Variants in CINP observed in about 807,000 individuals in gnomAD.
CINP encodes the protein cyclin-dependent kinase 2-interacting protein.
In CINP, 11 loss-of-function variants were observed where a neutral mutation model predicts 20.5. The observed-to-expected ratio is 0.54, with a 90% CI of 0.34 to 0.89. CINP has a LOEUF of 0.89. Among genes scored for constraint, CINP ranks in the 40% least tolerant of loss-of-function variants. The pLI is 0.02. For synonymous variants in CINP, 108 were observed against 102.1 expected, an observed-to-expected ratio of 1.06 and a Z score of -0.35; for missense variants, 213 against 251.0, an observed-to-expected ratio of 0.85 and a Z score of 1.02.
intron 3 of CINP, chr14:102,355,533 T>G (rs978791802): frequency 6.1e-5 from 23 of 379,494 alleles, no homozygotes; most frequent in Non-Finnish European, 9.9e-5. Flanking sequence ...AAAAAAAAAA[T>G]TTACTATGTG....
chr14:102,348,583 G>C lies in CINP; in HGVS notation c.613C>G (p.Leu205Val), dbSNP rs1235824017. 1 of 1,612,442 alleles carries C rather than the reference G, an allele frequency of 6.2e-7. No homozygotes were observed. The highest frequency in any genetic ancestry group is 8.5e-7 in the Non-Finnish European group (1 of 1,179,584). ...CAGAGAGCTCGGTGGCCTGTCTCCA[G>C]CAGCATGCTCTCCAGATGCAGCCTG... The part of the protein sequence containing the change: ...DSRLHLESML[L>V]ETGHRAL The change falls in exon 5 of 5, where the codon CTG becomes GTG. Residue 205 changes from leucine to valine, a missense_variant. Physicochemically the swap from Leu to Val is conservative, Grantham distance 32. Coordinates refer to ENST00000216756, the MANE Select transcript of CINP (RefSeq NM_032630.3).
chr14:102,359,596 G>C lies in CINP; in HGVS notation c.8-9C>G. 6.3e-7 allele frequency: 1 copy of C among 1,593,934 alleles called. No homozygotes were observed. The highest frequency in any genetic ancestry group is 8.5e-7 in the Non-Finnish European group (1 of 1,170,254). On this transcript the variant is annotated splice_polypyrimidine_tract_variant and intron_variant, in intron 1 of 4. Coordinates refer to ENST00000216756, the MANE Select transcript of CINP (RefSeq NM_032630.3). ...AGTTCCAAGAGTCTTTGCTGATAGG[G>C]TATAAAAGAAACAAAATTATTATCA...
intron 2 of CINP, among the ~76,000 whole-genome samples, chr14:102,358,886 A>G (rs1180145126): frequency 2.0e-5 from 3 of 152,100 alleles, no homozygotes; most frequent in Admixed American, 1.3e-4. Flanking sequence ...CATTATGCCT[A>G]TGAACTACAA....
intron 1 of CINP, 21 bp downstream of exon 1, chr14:102,362,824 A>G: frequency 6.2e-7 from 1 of 1,613,976 alleles, no homozygotes; most frequent in Non-Finnish European, 8.5e-7. Context: ...CCACCCCGGG[A>G]AAGGAACCGA....
chr14:102,360,805 C>T (rs529331628), intron 1 of CINP, among the ~76,000 whole-genome samples: 73 of 152,170 alleles, frequency 4.8e-4, no homozygotes, highest in Non-Finnish European at 1.0e-3. Flanking sequence ...TGGCTCTGTA[C>T]AAGTTCTGAC....
At chr14:102,350,940 C>T (rs1323096481) in intron 3 of CINP, among the ~76,000 whole-genome samples, 2 of 151,950 alleles carry the variant, frequency 1.3e-5, no homozygotes, top group Non-Finnish European at 2.9e-5. Context: ...ATTCTCCTGC[C>T]TCAGCCTCCC....
chr14:102,355,673 A>G, intron 3 of CINP, 95 bp downstream of exon 3: 1 of 1,375,636 alleles, frequency 7.3e-7, no homozygotes, highest in Non-Finnish European at 1.0e-6. Flanking sequence ...GAGACTGAGA[A>G]GGAGTAAGTG....
intron 2 of CINP, among the ~76,000 whole-genome samples, chr14:102,357,568 TAGA>T (rs1166591800): frequency 6.6e-6 from 1 of 152,082 alleles, no homozygotes; most frequent in Non-Finnish European, 1.5e-5. Flanking sequence ...GTGGTCTGGA[TAGA>T]AGATCAAACC....
At chr14:102,355,615 G>T in intron 3 of CINP, 153 bp downstream of exon 3, 1 of 795,092 alleles carries the variant, frequency 1.3e-6, no homozygotes, top group Non-Finnish European at 2.0e-6. Flanking sequence ...ACAGCATCTT[G>T]GGGAACATTA....
chr14:102,362,702 T>C, intron 1 of CINP, 143 bp downstream of exon 1: 1 of 1,146,170 alleles, frequency 8.7e-7, no homozygotes, highest in Admixed American at 1.9e-5. Context: ...GCGAGGGGCC[T>C]GCGGGCTAGG....
chr14:102,358,440 G>A (rs2139633299), intron 2 of CINP, among the ~76,000 whole-genome samples: 1 of 152,306 alleles, frequency 6.6e-6, no homozygotes, highest in Non-Finnish European at 1.5e-5. Context: ...CGGCATTTAG[G>A]GAGGCCAAGG....
At position 102,355,860 on chromosome 14, in the gene CINP, C is replaced by G. The variant is rs755707633; in HGVS notation, c.214G>C (p.Ala72Pro). The change falls in exon 3 of 5, where the codon GCC (alanine) becomes CCC (proline). Residue 72 changes from alanine (A) to proline (P), a missense_variant. By Grantham distance (27) the Ala-to-Pro change is conservative. Coordinates refer to ENST00000216756, the MANE Select transcript of CINP (RefSeq NM_032630.3). Reference sequence around the variant, plus strand: ...ACCTTTTCTTCATTTTCCTTCGAGGCTGGGCTGCTGCTGTCTAGTTCTATC... The same window carrying G: ...ACCTTTTCTTCATTTTCCTTCGAGGGTGGGCTGCTGCTGTCTAGTTCTATC... ...DKIELDSSSP[A>P]SKENEEKVCL... is the part of the protein sequence containing the mutation. 1.1e-5 allele frequency: 18 copies of G among 1,614,068 alleles called. No individual in the cohort carries two copies. The highest frequency in any genetic ancestry group is 2.2e-5 in the South Asian group (2 of 91,088).
At chr14:102,359,227 A>AATATATATATATATATATATATATATAT (rs10632205) in intron 2 of CINP, among the ~76,000 whole-genome samples, 192 bp downstream of exon 2, 5 of 115,430 alleles carry the variant, frequency 4.3e-5, no homozygotes, top group Non-Finnish European at 7.4e-5. Context: ...TAAATAACTA[A>AATATATATATATATATATATATATATAT]ATATATATAT....
rs953907154 is a variant in CINP, at chr14:102,362,528, T to C, written c.7+317A>G. 4.3e-6 allele frequency: 3 copies of C among 702,690 alleles called. No homozygotes were observed. In the African/African-American group the frequency reaches 5.2e-5, roughly 12 times the overall value. 43.5% of individuals were successfully genotyped at this position (702,690 alleles called of 1,614,324 possible). A position where few individuals can be genotyped will look rare whatever the true frequency, so the allele number is the denominator to read the frequency against. ...GACGAGATGAGCATGCAAGGCTTGGTACCCAGTGAACTCTGTTAGTACTAA... is the reference window on the plus strand; with the variant it reads ...GACGAGATGAGCATGCAAGGCTTGGCACCCAGTGAACTCTGTTAGTACTAA... On this transcript the variant is annotated intron_variant, in intron 1 of 4. Transcript: ENST00000216756.
intron 3 of CINP, among the ~76,000 whole-genome samples, chr14:102,354,138 C>G (rs990456712): frequency 6.6e-6 from 1 of 152,140 alleles, no homozygotes; most frequent in Non-Finnish European, 1.5e-5. Flanking sequence ...CTTCAGTTAT[C>G]CAAGTTCAAA....
chr14:102,359,222 AAC>A (rs1197811149), intron 2 of CINP, among the ~76,000 whole-genome samples, 195 bp downstream of exon 2: 7 of 108,610 alleles, frequency 6.4e-5, no homozygotes, highest in African/African-American at 1.8e-4. Flanking sequence ...ATAAATAAAT[AAC>A]TAAATATATA....
At chr14:102,349,346 T>A (rs1886816736) in intron 4 of CINP, among the ~76,000 whole-genome samples, 1 of 152,188 alleles carries the variant, frequency 6.6e-6, no homozygotes, top group Non-Finnish European at 1.5e-5. Context: ...AATATTTCAC[T>A]AAACACATTC....
chr14:102,358,175 C>A (rs966648173), intron 2 of CINP, among the ~76,000 whole-genome samples: 6 of 152,128 alleles, frequency 3.9e-5, no homozygotes, highest in African/African-American at 1.4e-4. Context: ...TATGGATGAG[C>A]AAAGAAGGTG....
chr14:102,359,230 A>G (rs1887074458), intron 2 of CINP, among the ~76,000 whole-genome samples, 189 bp downstream of exon 2: 1 of 114,530 alleles, frequency 8.7e-6, no homozygotes, highest in Admixed American at 8.6e-5. Flanking sequence ...ATAACTAAAT[A>G]TATATATATA....
Sources: gnomAD v4.1 joint callset for allele counts (sites outside exome capture counted in the v4.1 genomes callset) on GRCh38, gnomAD v4.1.1 for gene constraint, MANE v1.5 for transcripts, NCBI Gene and HGNC (gene_info 2026-07-23, HGNC 2026-07-21) for gene names.